Variants in DLG2 observed in about 807,000 individuals in gnomAD.
DLG2 encodes discs large MAGUK scaffold protein 2.
In DLG2, 45 loss-of-function variants were observed where a neutral mutation model predicts 132.5. That is an observed-to-expected ratio of 0.34 (90% CI 0.27 to 0.44). DLG2 has a LOEUF of 0.44. Ranked by LOEUF, DLG2 falls within the 20% of genes least tolerant of loss-of-function variation. DLG2 has a pLI of 1.00. For synonymous variants in DLG2, 424 were observed against 419.6 expected (o/e 1.01, Z -0.13); for missense variants, 1,045 against 1,196.9 (o/e 0.87, Z 1.87).
At chr11:85,379,603 A>G (rs2085710388) in intron 3 of DLG2, among the ~76,000 whole-genome samples, 1 of 152,220 alleles carries the variant, frequency 6.6e-6, no homozygotes, top group Non-Finnish European at 1.5e-5. Flanking sequence ...GGTACCAATA[A>G]AAATGAAACA....
intron 19 of DLG2, among the ~76,000 whole-genome samples, chr11:83,591,055 C>T (rs1316427580): frequency 6.6e-6 from 1 of 152,196 alleles, no homozygotes; most frequent in Non-Finnish European, 1.5e-5. Context: ...CGAATTCTAT[C>T]AGAGGTACAA....
intron 6 of DLG2, among the ~76,000 whole-genome samples, chr11:84,577,625 A>T (rs1423099648): frequency 6.6e-6 from 1 of 152,214 alleles, no homozygotes; most frequent in Non-Finnish European, 1.5e-5. Context: ...TTTAAGCAGC[A>T]AAGCATTCAA....
chr11:84,091,371 C>T (rs1397210396), intron 10 of DLG2, among the ~76,000 whole-genome samples: 1 of 152,166 alleles, frequency 6.6e-6, no homozygotes, highest in African/African-American at 2.4e-5. Context: ...GAAAACAGGT[C>T]TCAGTCTCCA....
chr11:84,598,201 A>G (rs1337636596), intron 6 of DLG2, among the ~76,000 whole-genome samples: 1 of 152,190 alleles, frequency 6.6e-6, no homozygotes. Flanking sequence ...TTACTGCAGC[A>G]CAGAAGGACT....
At chr11:83,685,648 G>A (rs149066840) in intron 18 of DLG2, among the ~76,000 whole-genome samples, 439 of 152,042 alleles carry the variant, frequency 2.9e-3, no homozygotes, top group Non-Finnish European at 5.2e-3. Flanking sequence ...CTAGCCATCC[G>A]GTATCAAGAC....
chr11:85,292,849 A>G (rs2078998531), intron 3 of DLG2, among the ~76,000 whole-genome samples: 1 of 152,008 alleles, frequency 6.6e-6, no homozygotes, highest in Non-Finnish European at 1.5e-5. Context: ...AAAAAGAACC[A>G]AGGCTTTTTG....
chr11:85,129,877 T>C lies in DLG2; in HGVS notation c.283-18142A>G, dbSNP rs181528660. Among the ~76,000 whole-genome samples the C allele has an allele frequency of 9.9e-5, 15 of 152,124 alleles. No homozygotes were observed. The East Asian group carries it at 2.9e-3, about 29-fold the overall frequency. On this transcript the variant is annotated intron_variant, in intron 5 of 27. Transcript: ENST00000376104. ...TGCACCATAGAATACTATGCAGCCA[T>C]AAAAAAGAATGAATTAATGTCCTTT...
intron 11 of DLG2, among the ~76,000 whole-genome samples, chr11:84,012,097 A>T (rs573548244): frequency 6.6e-6 from 1 of 152,264 alleles, no homozygotes; most frequent in East Asian, 1.9e-4. Context: ...ATTTCCTAGC[A>T]TTTAAATGGA....
At chr11:84,984,825 A>C (rs2056268804) in intron 6 of DLG2, among the ~76,000 whole-genome samples, 1 of 152,230 alleles carries the variant, frequency 6.6e-6, no homozygotes, top group Non-Finnish European at 1.5e-5. Flanking sequence ...AAAAGCGGGC[A>C]GGAGTAGCTA....
At chr11:84,987,303 G>T (rs115190702) in intron 6 of DLG2, among the ~76,000 whole-genome samples, 1 of 151,926 alleles carries the variant, frequency 6.6e-6, no homozygotes, top group African/African-American at 2.4e-5. Flanking sequence ...CTCATGATTA[G>T]GTAGAATCAA....
At chr11:84,283,299 T>C (rs575137966) in intron 7 of DLG2, among the ~76,000 whole-genome samples, 23 of 152,344 alleles carry the variant, frequency 1.5e-4, no homozygotes, top group African/African-American at 5.3e-4. Context: ...ACATCACCAC[T>C]AACTAGCCTT....
intron 10 of DLG2, among the ~76,000 whole-genome samples, chr11:84,073,512 C>T (rs1212419858): frequency 1.3e-5 from 2 of 152,078 alleles, no homozygotes; most frequent in African/African-American, 4.8e-5. Flanking sequence ...TGTATAGGCA[C>T]TGAGGACACA....
chr11:84,297,682 A>T (rs2098109393), intron 7 of DLG2, among the ~76,000 whole-genome samples: 1 of 152,034 alleles, frequency 6.6e-6, no homozygotes, highest in Admixed American at 6.6e-5. Flanking sequence ...CTTTGTTTAA[A>T]GGAGTCCAAT....
intron 14 of DLG2, among the ~76,000 whole-genome samples, chr11:83,949,803 C>T (rs538974394): frequency 3.3e-4 from 51 of 152,240 alleles, no homozygotes; most frequent in Admixed American, 6.5e-4. Context: ...CTTCCTTCCA[C>T]TTACCTTCCT....
chr11:85,164,145 G>GTCA (rs2078247894), intron 4 of DLG2, among the ~76,000 whole-genome samples: 3 of 152,120 alleles, frequency 2.0e-5, no homozygotes, highest in Admixed American at 2.0e-4. Flanking sequence ...GATAAAAGTT[G>GTCA]TCATAGACTA....
chr11:84,355,077 G>T (rs549800539), intron 7 of DLG2, among the ~76,000 whole-genome samples: 3 of 152,182 alleles, frequency 2.0e-5, no homozygotes, highest in Admixed American at 2.0e-4. Context: ...ACAGTGTATA[G>T]TTCTCCTACC....
intron 16 of DLG2, among the ~76,000 whole-genome samples, chr11:83,855,249 T>G (rs1009379515): frequency 2.0e-5 from 3 of 152,232 alleles, no homozygotes; most frequent in Non-Finnish European, 2.9e-5. Flanking sequence ...CTTTGGAAGA[T>G]AGTTTGGTGG....
At chr11:84,885,287 T>G (rs2088061558) in intron 6 of DLG2, among the ~76,000 whole-genome samples, 1 of 152,098 alleles carries the variant, frequency 6.6e-6, no homozygotes, top group Non-Finnish European at 1.5e-5. Flanking sequence ...TTTAAGCATC[T>G]AATGATTTTC....
chr11:85,601,152 AATATAATT>A (rs2080127055), intron 2 of DLG2, among the ~76,000 whole-genome samples: 2 of 152,140 alleles, frequency 1.3e-5, no homozygotes, highest in Non-Finnish European at 2.9e-5. Flanking sequence ...ATTACTTTTT[AATATAATT>A]TAGTTAAGTT....
Sources: gnomAD v4.1 joint callset for allele counts (sites outside exome capture counted in the v4.1 genomes callset) on GRCh38, gnomAD v4.1.1 for gene constraint, MANE v1.5 for transcripts, NCBI Gene and HGNC (gene_info 2026-07-23, HGNC 2026-07-21) for gene names.